Variants in GRID2 observed in about 807,000 individuals in gnomAD.
GRID2 encodes glutamate receptor ionotropic, delta-2.
GRID2 carries 33 observed loss-of-function variants against 114.8 expected under a neutral mutation model. The observed-to-expected ratio is 0.29, with a 90% CI of 0.22 to 0.38. GRID2 has a LOEUF of 0.38. Among genes scored for constraint, GRID2 ranks in the 10% least tolerant of loss-of-function variants. The pLI, the probability that GRID2 is intolerant of heterozygous loss-of-function variation, is 1.00. For synonymous variants in GRID2, 505 were observed against 449.9 expected (o/e 1.12, Z -1.55); for missense variants, 1,184 against 1,257.7 (o/e 0.94, Z 0.89).
intron 14 of GRID2, among the ~76,000 whole-genome samples, chr4:93,729,114 T>C (rs1162039469): frequency 1.3e-5 from 2 of 152,148 alleles, no homozygotes; most frequent in Non-Finnish European, 2.9e-5. Context: ...GTCAGGCTGA[T>C]CTTGAACTCC....
intron 2 of GRID2, among the ~76,000 whole-genome samples, chr4:92,870,600 A>G (rs1031389798): frequency 2.6e-5 from 4 of 151,448 alleles, no homozygotes; most frequent in Non-Finnish European, 4.4e-5. Context: ...AAAGAAATAC[A>G]TAGTGAACAA....
intron 2 of GRID2, among the ~76,000 whole-genome samples, chr4:92,780,292 A>T (rs1009159206): frequency 2.0e-5 from 3 of 152,168 alleles, no homozygotes; most frequent in African/African-American, 7.2e-5. Context: ...TAGCAACTTA[A>T]TTCAGACTGT....
chr4:93,689,115 G>T (rs1054849637), intron 14 of GRID2, among the ~76,000 whole-genome samples: 10 of 151,966 alleles, frequency 6.6e-5, no homozygotes, highest in African/African-American at 2.2e-4. Context: ...AGACAATGGG[G>T]AGGAGGTGAC....
chr4:93,457,339 G>A (rs549399361), intron 11 of GRID2, among the ~76,000 whole-genome samples: 5 of 151,824 alleles, frequency 3.3e-5, no homozygotes, highest in Admixed American at 2.0e-4. Context: ...AGACATAAAC[G>A]GTTAGGATGG....
At chr4:93,127,070 C>T (rs1272611840) in intron 4 of GRID2, among the ~76,000 whole-genome samples, 3 of 152,160 alleles carry the variant, frequency 2.0e-5, no homozygotes, top group African/African-American at 7.2e-5. Flanking sequence ...AACCCAATGG[C>T]ATAGATAGAA....
intron 8 of GRID2, among the ~76,000 whole-genome samples, chr4:93,313,381 G>C (rs886503638): frequency 6.6e-6 from 1 of 152,138 alleles, no homozygotes; most frequent in Non-Finnish European, 1.5e-5. Flanking sequence ...ACAGCAGTCT[G>C]CCACAGAACA....
chr4:92,777,630 T>A (rs1482284091), intron 2 of GRID2, among the ~76,000 whole-genome samples: 1 of 151,004 alleles, frequency 6.6e-6, no homozygotes, highest in African/African-American at 2.4e-5. Flanking sequence ...ATAGGGCCAT[T>A]AAAGAAGTAA....
At chr4:93,524,817 ATGTATG>A (rs1440460757) in intron 13 of GRID2, among the ~76,000 whole-genome samples, 2 of 59,290 alleles carry the variant, frequency 3.4e-5, no homozygotes, top group African/African-American at 1.2e-4. Flanking sequence ...ATATATATGT[ATGTATG>A]TATATATATA....
intron 13 of GRID2, among the ~76,000 whole-genome samples, chr4:93,565,046 A>G (rs1735274060): frequency 6.6e-6 from 1 of 152,128 alleles, no homozygotes; most frequent in Non-Finnish European, 1.5e-5. Flanking sequence ...AATATAAAAC[A>G]TATCTAGTTG....
intron 13 of GRID2, among the ~76,000 whole-genome samples, chr4:93,592,290 A>C (rs1738442960): frequency 6.6e-6 from 1 of 151,900 alleles, no homozygotes; most frequent in South Asian, 2.1e-4. Context: ...GAACATCTTT[A>C]TTTCTGCCTT....
chr4:93,112,536 A>G (rs779820188), intron 4 of GRID2, among the ~76,000 whole-genome samples: 1 of 152,162 alleles, frequency 6.6e-6, no homozygotes, highest in Non-Finnish European at 1.5e-5. Context: ...TCCTTCCACC[A>G]TGACTGTAAG....
At chr4:93,356,390 A>AT (rs941850757) in intron 8 of GRID2, among the ~76,000 whole-genome samples, 1 of 151,072 alleles carries the variant, frequency 6.6e-6, no homozygotes, top group African/African-American at 2.5e-5. Context: ...TTTTATGATT[A>AT]TTTTTTTCTC....
At chr4:93,375,892 T>C (rs1403697548) in intron 8 of GRID2, among the ~76,000 whole-genome samples, 1 of 152,154 alleles carries the variant, frequency 6.6e-6, no homozygotes, top group Non-Finnish European at 1.5e-5. Flanking sequence ...ACAGACCAAG[T>C]GGCTGAAACG....
chr4:93,316,127 T>A (rs1297033751), intron 8 of GRID2, among the ~76,000 whole-genome samples: 1 of 151,364 alleles, frequency 6.6e-6, no homozygotes, highest in Non-Finnish European at 1.5e-5. Flanking sequence ...TTTTGGAAGC[T>A]GGAAAGAACA....
At chr4:93,646,382 A>G (rs1722113490) in intron 14 of GRID2, among the ~76,000 whole-genome samples, 1 of 152,126 alleles carries the variant, frequency 6.6e-6, no homozygotes, top group South Asian at 2.1e-4. Flanking sequence ...CTGCATTGGG[A>G]ACCAGCTGGG....
intron 1 of GRID2, among the ~76,000 whole-genome samples, chr4:92,465,756 G>A (rs138008390): frequency 6.6e-6 from 1 of 152,052 alleles, no homozygotes; most frequent in East Asian, 1.9e-4. Flanking sequence ...TAGAATAAAT[G>A]AGATTGTGAG....
intron 7 of GRID2, among the ~76,000 whole-genome samples, chr4:93,229,487 G>T (rs1328324660): frequency 6.6e-6 from 1 of 152,184 alleles, no homozygotes; most frequent in African/African-American, 2.4e-5. Context: ...CTGTACAGAT[G>T]TGGGGCCAAA....
chr4:93,032,759 G>A (rs1035560312), intron 2 of GRID2, among the ~76,000 whole-genome samples: 2 of 152,108 alleles, frequency 1.3e-5, no homozygotes, highest in African/African-American at 4.8e-5. Flanking sequence ...AAGATAGAAT[G>A]TATACTTCAC....
intron 8 of GRID2, among the ~76,000 whole-genome samples, chr4:93,276,247 A>G (rs963742822): frequency 1.1e-4 from 17 of 152,034 alleles, no homozygotes; most frequent in Admixed American, 2.6e-4. Flanking sequence ...CTTTGTTGAA[A>G]TACAATTGAC....
Sources: gnomAD v4.1 joint callset for allele counts (sites outside exome capture counted in the v4.1 genomes callset) on GRCh38, gnomAD v4.1.1 for gene constraint, MANE v1.5 for transcripts, NCBI Gene and HGNC (gene_info 2026-07-23, HGNC 2026-07-21) for gene names.